LRGUK: variants seen among roughly 807,000 people sequenced by gnomAD.
LRGUK encodes the protein leucine rich repeats and guanylate kinase domain containing, also known as leucine-rich repeat and guanylate kinase domain-containing protein.
LRGUK carries 65 observed loss-of-function variants against 76.0 expected under a neutral mutation model. The ratio of observed to expected loss-of-function variants is 0.85; its 90% CI spans 0.70 to 1.05. LRGUK has a LOEUF of 1.05. LRGUK is among the 50% of genes least tolerant of loss of function. The probability of loss-of-function intolerance (pLI) is 0.00; values close to 1 mark genes in which losing one functional copy is unlikely to be tolerated. For synonymous variants in LRGUK, 268 were observed against 265.6 expected (o/e 1.01, Z -0.09); for missense variants, 758 against 732.8 (o/e 1.03, Z -0.40).
At chr7:134,249,476 T>C (rs1308619557) in intron 18 of LRGUK, among the ~76,000 whole-genome samples, 1 of 152,196 alleles carries the variant, frequency 6.6e-6, no homozygotes, top group Admixed American at 6.5e-5. Context: ...CTTACCTTTG[T>C]TCCCGCCTCA....
rs141454609 is a variant in LRGUK at position 134,230,124 on chromosome 7, C to T, written c.1983+8206C>T. On this transcript the variant is annotated intron_variant, in intron 16 of 19. Transcript: ENST00000285928. ...CTACAGAGAGTGGGGAGATATTTGC[C>T]GTAACTATAACCAACAAAGTGTATC... Among the ~76,000 whole-genome samples the T allele has an allele frequency of 1.4e-3, 209 of 151,972 alleles. 2 individuals are homozygous for T. The highest frequency in any genetic ancestry group is 4.7e-3 in the African/African-American group (197 of 41,478).
chr7:134,173,505 A>G (rs528121312), intron 7 of LRGUK, among the ~76,000 whole-genome samples: 27 of 152,364 alleles, frequency 1.8e-4, no homozygotes, highest in African/African-American at 6.0e-4. Context: ...AATTATGCTA[A>G]TTACAGAATA....
At chr7:134,134,124 G>A (rs969794863) in intron 1 of LRGUK, among the ~76,000 whole-genome samples, 2 of 152,094 alleles carry the variant, frequency 1.3e-5, no homozygotes, top group African/African-American at 2.4e-5. Flanking sequence ...AGGGAGTATA[G>A]TCAGAAGGGA....
chr7:134,190,947 G>GAGCAGTTCTGGGGATAGACAGTAGT (rs1166987204), intron 11 of LRGUK, among the ~76,000 whole-genome samples: 2 of 39,370 alleles, frequency 5.1e-5, no homozygotes, highest in African/African-American at 8.4e-5. Context: ...GTTGAGCGGT[G>GAGCAGTTCTGGGGATAGACAGTAGT]TGGTGGGATG....
At chr7:134,275,975 CCAAAG>C in the LRGUK span, among the ~76,000 whole-genome samples, 2 of 152,084 alleles carry the variant, frequency 1.3e-5, no homozygotes, top group African/African-American at 4.8e-5. Flanking sequence ...TTCCTGGTAG[CCAAAG>C]CAAAGAAAGA....
intron 5 of LRGUK, among the ~76,000 whole-genome samples, chr7:134,155,685 G>T (rs1390439667): frequency 6.6e-6 from 1 of 152,110 alleles, no homozygotes; most frequent in Non-Finnish European, 1.5e-5. Context: ...CTTTATAATT[G>T]TGAGGTGATT....
intron 2 of LRGUK, among the ~76,000 whole-genome samples, chr7:134,139,072 C>T (rs1797651694): frequency 6.6e-6 from 1 of 152,080 alleles, no homozygotes; most frequent in Non-Finnish European, 1.5e-5. Context: ...AAATTCTAGA[C>T]ATTTTTTTCT....
chr7:134,235,766 C>T (rs1454419152), intron 16 of LRGUK, among the ~76,000 whole-genome samples: 1 of 152,126 alleles, frequency 6.6e-6, no homozygotes, highest in Non-Finnish European at 1.5e-5. Context: ...TAGTTTAGAG[C>T]ACTGTCATGT....
intron 15 of LRGUK, 127 bp downstream of exon 15, chr7:134,201,703 C>A (rs1800780509): frequency 1.6e-6 from 1 of 627,672 alleles, no homozygotes; most frequent in South Asian, 2.0e-5. Context: ...TGTACTTCTT[C>A]TGGGGCAATT....
chr7:134,269,546 C>T (rs1489178359), downstream of LRGUK, among the ~76,000 whole-genome samples: 1 of 151,756 alleles, frequency 6.6e-6, no homozygotes, highest in Non-Finnish European at 1.5e-5. Flanking sequence ...GATGAGGTCT[C>T]ACCATGTTGT....
chr7:134,234,399 C>T (rs1221222471), intron 16 of LRGUK, among the ~76,000 whole-genome samples: 5 of 151,980 alleles, frequency 3.3e-5, no homozygotes, highest in African/African-American at 7.3e-5. Flanking sequence ...GCTGAACCTA[C>T]GAATGAGTAA....
chr7:134,148,467 T>C (rs937246122), intron 5 of LRGUK, 148 bp downstream of exon 5: 4 of 591,608 alleles, frequency 6.8e-6, no homozygotes, highest in African/African-American at 2.0e-5. Flanking sequence ...TAGGAATTGG[T>C]ATTCACAAAA....
At chr7:134,172,768 G>C (rs1799311553) in intron 7 of LRGUK, among the ~76,000 whole-genome samples, 2 of 152,094 alleles carry the variant, frequency 1.3e-5, no homozygotes, top group Non-Finnish European at 2.9e-5. Context: ...GATTGCTTGA[G>C]CCCAGGAGTT....
At chr7:134,162,830 A>G (rs968025545) in intron 6 of LRGUK, among the ~76,000 whole-genome samples, 6 of 139,326 alleles carry the variant, frequency 4.3e-5, no homozygotes, top group Non-Finnish European at 7.6e-5. Context: ...CCTTCTCAAA[A>G]AAAAAAAAAA....
exon 19 of LRGUK, chr7:134,258,309 T>C: frequency 6.2e-7 from 1 of 1,614,148 alleles, no homozygotes; most frequent in African/African-American, 1.3e-5. Flanking sequence ...GTTCTGTCCG[T>C]GGTCAAAAGA....
At chr7:134,133,528 A>G (rs1797396010) in intron 1 of LRGUK, among the ~76,000 whole-genome samples, 1 of 152,160 alleles carries the variant, frequency 6.6e-6, no homozygotes, top group Non-Finnish European at 1.5e-5. Flanking sequence ...TAAATCCCTT[A>G]TGGACAGGCA....
chr7:134,221,781 G>T, exon 16 of LRGUK: 2 of 1,511,160 alleles, frequency 1.3e-6, no homozygotes, highest in African/African-American at 1.4e-5. Flanking sequence ...CCTACCAGAT[G>T]TTAAGACATC....
intron 4 of LRGUK, among the ~76,000 whole-genome samples, chr7:134,143,560 T>A (rs967965413): frequency 1.3e-5 from 2 of 152,370 alleles, no homozygotes; most frequent in Middle Eastern, 3.4e-3. Flanking sequence ...TACAGCATGA[T>A]GTTATGGGAC....
intron 4 of LRGUK, among the ~76,000 whole-genome samples, chr7:134,144,865 A>G (rs895191797): frequency 1.3e-5 from 2 of 152,106 alleles, no homozygotes; most frequent in African/African-American, 4.8e-5. Flanking sequence ...GTGGGGCCGC[A>G]TCGTCTTGAG....
Sources: gnomAD v4.1 joint callset for allele counts (sites outside exome capture counted in the v4.1 genomes callset) on GRCh38, gnomAD v4.1.1 for gene constraint, MANE v1.5 for transcripts, NCBI Gene and HGNC (gene_info 2026-07-23, HGNC 2026-07-21) for gene names.